Variants in NELL1 observed in about 807,000 individuals in gnomAD.
The protein encoded by NELL1 is protein kinase C-binding protein NELL1.
NELL1 carries 76 observed loss-of-function variants against 107.4 expected under a neutral mutation model. The observed-to-expected ratio is 0.71, with a 90% CI of 0.59 to 0.86. The LOEUF (loss-of-function observed/expected upper bound fraction) is 0.86, where lower values mean the gene tolerates loss of function less well. NELL1 is among the 40% of genes least tolerant of loss of function. The pLI, the probability that NELL1 is intolerant of heterozygous loss-of-function variation, is 0.00. For missense variants in NELL1, 1,024 were observed against 1,005.5 expected (o/e 1.02, Z -0.25); for synonymous variants, 353 against 341.2 (o/e 1.03, Z -0.38).
intron 14 of NELL1, among the ~76,000 whole-genome samples, chr11:21,277,164 A>C (rs1460542503): frequency 6.6e-6 from 1 of 152,160 alleles, no homozygotes; most frequent in African/African-American, 2.4e-5. Context: ...CAAAGGGCTA[A>C]TATCCAGAAT....
chr11:21,089,646 A>G (rs1310575580), intron 12 of NELL1, among the ~76,000 whole-genome samples: 1 of 152,226 alleles, frequency 6.6e-6, no homozygotes, highest in Non-Finnish European at 1.5e-5. Context: ...TGCAAGCTGC[A>G]AAGATATCAG....
chr11:20,931,150 A>G (rs1182956949), intron 9 of NELL1, among the ~76,000 whole-genome samples: 5 of 151,784 alleles, frequency 3.3e-5, no homozygotes. Flanking sequence ...CGTGGTTTAC[A>G]GTGTCTGGAA....
At chr11:21,170,603 T>A (rs529625035) in intron 13 of NELL1, among the ~76,000 whole-genome samples, 1 of 151,380 alleles carries the variant, frequency 6.6e-6, no homozygotes, top group East Asian at 1.9e-4. Context: ...GTTGAATGAG[T>A]GTCAGTAGCT....
At chr11:20,755,550 G>GTTTTTTTTTTTTTTTT (rs1226891368) in intron 2 of NELL1, among the ~76,000 whole-genome samples, 35 of 114,540 alleles carry the variant, frequency 3.1e-4, no homozygotes, top group African/African-American at 1.5e-3. Flanking sequence ...GTTTTTTTTT[G>GTTTTTTTTTTTTTTTT]TTTTTGTTTT....
intron 15 of NELL1, among the ~76,000 whole-genome samples, chr11:21,476,611 C>A (rs1854339184): frequency 6.6e-6 from 1 of 152,084 alleles, no homozygotes; most frequent in African/African-American, 2.4e-5. Context: ...AAAGGAGGAA[C>A]CTTCATAAGA....
rs1227627496 is a variant in NELL1 at position 21,300,628 on chromosome 11, CT to C, written c.1550-70221del. Reference sequence around the variant, plus strand: ...TTTTCCATTTTCTCTTCTTCTAACACTTTTCTCATGTGTGAGTCTGGTAGAA... The same window carrying C: ...TTTTCCATTTTCTCTTCTTCTAACACTTTCTCATGTGTGAGTCTGGTAGAA... On this transcript the variant is annotated intron_variant, in intron 14 of 19. Transcript: ENST00000357134. 5.3e-5 allele frequency among the ~76,000 whole-genome samples: 8 copies of C among 151,968 alleles called. No homozygotes were observed. In the East Asian group the frequency reaches 1.6e-3, roughly 30 times the overall value.
At chr11:21,134,556 A>T (rs1404878109) in intron 13 of NELL1, among the ~76,000 whole-genome samples, 1 of 152,194 alleles carries the variant, frequency 6.6e-6, no homozygotes, top group African/African-American at 2.4e-5. Context: ...AGTTCTGATA[A>T]TCACTTATTC....
chr11:21,430,846 T>C (rs911407351), intron 15 of NELL1, among the ~76,000 whole-genome samples: 4 of 152,200 alleles, frequency 2.6e-5, no homozygotes, highest in Non-Finnish European at 4.4e-5. Context: ...ACTGTCACTA[T>C]GTTTTTATGA....
At chr11:20,963,702 C>T (rs1851334822) in intron 12 of NELL1, among the ~76,000 whole-genome samples, 1 of 152,134 alleles carries the variant, frequency 6.6e-6, no homozygotes, top group Admixed American at 6.6e-5. Context: ...TGTCTCTCCA[C>T]AGCCTAGAAA....
intron 4 of NELL1, among the ~76,000 whole-genome samples, chr11:20,864,300 T>C (rs548511896): frequency 1.3e-5 from 2 of 152,334 alleles, no homozygotes; most frequent in East Asian, 3.9e-4. Context: ...CACATAGTAA[T>C]AAATTTTGTG....
chr11:20,705,122 A>G (rs1271226894), intron 2 of NELL1, among the ~76,000 whole-genome samples: 2 of 152,204 alleles, frequency 1.3e-5, no homozygotes, highest in African/African-American at 4.8e-5. Context: ...CATCCCCATC[A>G]AGCTACCAAT....
chr11:21,263,715 T>G (rs1176861708), intron 14 of NELL1, among the ~76,000 whole-genome samples: 2 of 151,904 alleles, frequency 1.3e-5, no homozygotes, highest in East Asian at 3.9e-4. Context: ...TCTGGTGGTG[T>G]TAATTCCTGA....
intron 17 of NELL1, among the ~76,000 whole-genome samples, chr11:21,562,725 C>T (rs1317284626): frequency 6.6e-6 from 1 of 152,048 alleles, no homozygotes; most frequent in African/African-American, 2.4e-5. Context: ...AAAGTACTAT[C>T]TTTTCAATCA....
At chr11:21,365,269 A>G (rs1276916950) in intron 14 of NELL1, among the ~76,000 whole-genome samples, 1 of 152,142 alleles carries the variant, frequency 6.6e-6, no homozygotes. Flanking sequence ...CACCCAGTAC[A>G]TTATCTGCGC....
At chr11:20,882,591 G>A (rs558481511) in intron 4 of NELL1, among the ~76,000 whole-genome samples, 1 of 152,276 alleles carries the variant, frequency 6.6e-6, no homozygotes, top group East Asian at 1.9e-4. Context: ...TGAGAGTTAA[G>A]TTGTAAACAT....
intron 13 of NELL1, among the ~76,000 whole-genome samples, chr11:21,185,818 T>A (rs920359374): frequency 6.6e-6 from 1 of 151,856 alleles, no homozygotes; most frequent in Non-Finnish European, 1.5e-5. Context: ...ATGGATTGAC[T>A]TTTAGCACCT....
chr11:21,031,124 C>T (rs548787950), intron 12 of NELL1, among the ~76,000 whole-genome samples: 1 of 152,292 alleles, frequency 6.6e-6, no homozygotes, highest in South Asian at 2.1e-4. Flanking sequence ...TACTTCTCAG[C>T]TATTTCATAT....
intron 13 of NELL1, among the ~76,000 whole-genome samples, chr11:21,113,991 G>A (rs1007815173): frequency 2.6e-5 from 4 of 152,058 alleles, no homozygotes; most frequent in African/African-American, 9.6e-5. Context: ...AACACTGAGG[G>A]AGTTAGATAT....
At chr11:21,530,039 C>G (rs1855955697) in intron 15 of NELL1, among the ~76,000 whole-genome samples, 1 of 152,098 alleles carries the variant, frequency 6.6e-6, no homozygotes, top group Non-Finnish European at 1.5e-5. Context: ...GGGCAGAGAC[C>G]TTATCTCTCT....
Sources: allele counts gnomAD v4.1 joint callset (sites outside exome capture counted in the v4.1 genomes callset), GRCh38; gene constraint gnomAD v4.1.1; transcripts MANE v1.5; gene names NCBI Gene and HGNC (gene_info 2026-07-23, HGNC 2026-07-21).